The following ARSJ variants were observed in gnomAD, a reference collection of about 807,000 sequenced individuals.
The protein encoded by ARSJ is arylsulfatase J.
A neutral mutation model predicts 35.9 loss-of-function variants in ARSJ; 26 were observed. The ratio of observed to expected loss-of-function variants is 0.72; its 90% CI spans 0.53 to 1.00. ARSJ has a LOEUF of 1.00. Ranked by LOEUF, ARSJ falls within the 50% of genes least tolerant of loss-of-function variation. ARSJ has a pLI of 0.00. For synonymous variants in ARSJ, 294 were observed against 267.6 expected (o/e 1.10, Z -0.96); for missense variants, 667 against 723.6 (o/e 0.92, Z 0.90).
intron 1 of ARSJ, among the ~76,000 whole-genome samples, chr4:113,919,987 A>G (rs185708298): frequency 4.9e-4 from 74 of 151,876 alleles, no homozygotes. Context: ...AGCTGCTTCT[A>G]TAGAAATAAA....
intron 1 of ARSJ, among the ~76,000 whole-genome samples, chr4:113,924,066 AATATATATAAATATATATATATAT>A (rs1460913787): frequency 1.9e-5 from 2 of 107,476 alleles, no homozygotes; most frequent in African/African-American, 9.8e-5. Flanking sequence ...AATATATATA[AATATATATAAATATATATATATAT>A]ATATATATAT....
chr4:113,922,023 C>T (rs902420626), intron 1 of ARSJ, among the ~76,000 whole-genome samples: 2 of 152,128 alleles, frequency 1.3e-5, no homozygotes, highest in African/African-American at 4.8e-5. Context: ...ACCTTGTGAT[C>T]CAACTTCCCC....
chr4:113,924,121 A>ATATATATATATATAT (rs1723902626), intron 1 of ARSJ, among the ~76,000 whole-genome samples: 1 of 140,344 alleles, frequency 7.1e-6, no homozygotes, highest in African/African-American at 2.7e-5. Flanking sequence ...ATATATATAT[A>ATATATATATATATAT]AAGGGGAGTT....
At chr4:113,963,599 G>A (rs762559507) in intron 1 of ARSJ, among the ~76,000 whole-genome samples, 2 of 152,048 alleles carry the variant, frequency 1.3e-5, no homozygotes, top group African/African-American at 2.4e-5. Flanking sequence ...AATTCAAGAT[G>A]AGATTTGGGT....
chr4:113,902,932 T>C lies in ARSJ; in HGVS notation c.1142A>G (p.Tyr381Cys). ...TTCAGCCAGTGAAATGAGAGTGGGG[T>C]ACCAGTCAGTGATGTGCACAAGTTC... is the stretch of plus-strand genomic sequence containing the variant. ...CKELVHITDW[Y>C]PTLISLAEGQ... The change falls in exon 2 of 2, where the codon TAC becomes TGC. Residue 381 changes from tyrosine to cysteine, a missense_variant. Tyr to Cys is a radical substitution (Grantham distance 194). Coordinates refer to ENST00000315366, the MANE Select transcript of ARSJ (RefSeq NM_024590.4). 6.2e-7 allele frequency: 1 copy of C among 1,614,136 alleles called. No homozygotes were observed. Among genetic ancestry groups the C allele is most frequent in the Non-Finnish European group, 8.5e-7 (1 of 1,180,012 alleles).
At chr4:113,915,129 T>G (rs1723213712) in intron 1 of ARSJ, among the ~76,000 whole-genome samples, 1 of 152,122 alleles carries the variant, frequency 6.6e-6, no homozygotes, top group Admixed American at 6.6e-5. Flanking sequence ...AAACAGTATA[T>G]AGGCCCAATT....
chr4:113,918,448 T>C (rs937324716), intron 1 of ARSJ, among the ~76,000 whole-genome samples: 1 of 152,190 alleles, frequency 6.6e-6, no homozygotes, highest in Non-Finnish European at 1.5e-5. Context: ...TTTTAGTTTC[T>C]ATTATGGTAA....
intron 1 of ARSJ, among the ~76,000 whole-genome samples, chr4:113,934,538 G>A (rs1028116975): frequency 2.0e-5 from 3 of 151,734 alleles, no homozygotes; most frequent in African/African-American, 7.2e-5. Flanking sequence ...AAAATATCAT[G>A]TCTTTGAGAT....
Position 113,978,993 on chromosome 4 carries a change from A to T in ARSJ, c.-159T>A. 2.8e-6 allele frequency: 2 copies of T among 708,410 alleles called. No homozygotes were observed. Among genetic ancestry groups the T allele is most frequent in the South Asian group, 4.3e-5 (2 of 46,754 alleles). 43.9% of individuals were successfully genotyped at this position (708,410 alleles called of 1,614,324 possible). A position where few individuals can be genotyped will look rare whatever the true frequency, so the allele number is the denominator to read the frequency against. On this transcript the variant is annotated 5_prime_UTR_variant, in exon 1 of 2. Coordinates refer to ENST00000315366, the MANE Select transcript of ARSJ (RefSeq NM_024590.4). ...ATGTCCGACAACTTTAATCTTCCAG[A>T]AGTGATGGCTTAATGGATGGGACTC...
At chr4:113,924,704 C>T (rs1021925138) in intron 1 of ARSJ, among the ~76,000 whole-genome samples, 13 of 152,200 alleles carry the variant, frequency 8.5e-5, no homozygotes, top group African/African-American at 3.1e-4. Flanking sequence ...GTCAATAAAT[C>T]TTATGGCATA....
intron 1 of ARSJ, among the ~76,000 whole-genome samples, chr4:113,932,517 C>T (rs999408667): frequency 2.6e-5 from 4 of 151,850 alleles, no homozygotes; most frequent in Admixed American, 6.6e-5. Flanking sequence ...TCTTTTCTGA[C>T]CAATATGGAA....
rs573174724 is a variant in ARSJ, at chr4:113,936,898, T to A, written c.399-33223A>T. ...ATATTAATGTGTCTTTAACATCTGTTCATATGTTCACATCCTTGCTTTTAG... is the reference window on the plus strand; with the variant it reads ...ATATTAATGTGTCTTTAACATCTGTACATATGTTCACATCCTTGCTTTTAG... On this transcript the variant is annotated intron_variant, in intron 1 of 1. Coordinates refer to ENST00000315366, the MANE Select transcript of ARSJ (RefSeq NM_024590.4). Among the ~76,000 whole-genome samples, 391 of 152,080 alleles carry A rather than the reference T, an allele frequency of 2.6e-3. 1 individual carries two copies. Among genetic ancestry groups the A allele is most frequent in the Middle Eastern group, 0.014 (4 of 294 alleles).
chr4:113,939,480 T>C (rs1008267283), intron 1 of ARSJ, among the ~76,000 whole-genome samples: 9 of 152,068 alleles, frequency 5.9e-5, no homozygotes, highest in East Asian at 1.9e-4. Flanking sequence ...CCCGAGGAAT[T>C]GCCACACTGA....
At chr4:113,925,816 T>C (rs1276161748) in intron 1 of ARSJ, among the ~76,000 whole-genome samples, 2 of 152,184 alleles carry the variant, frequency 1.3e-5, no homozygotes, top group African/African-American at 2.4e-5. Flanking sequence ...CTTTACATGA[T>C]GCAAGAAGTC....
At chr4:113,913,071 C>T (rs1029489526) in intron 1 of ARSJ, among the ~76,000 whole-genome samples, 1 of 148,058 alleles carries the variant, frequency 6.8e-6, no homozygotes, top group Non-Finnish European at 1.5e-5. Context: ...TACCTTCGGA[C>T]TAGACAAAAG....
chr4:113,952,216 G>A (rs1208112156), intron 1 of ARSJ, among the ~76,000 whole-genome samples: 2 of 151,938 alleles, frequency 1.3e-5, no homozygotes, highest in African/African-American at 2.4e-5. Context: ...ACCACTGCAA[G>A]AAATTTAAGT....
At chr4:113,927,235 G>A (rs4473715) in intron 1 of ARSJ, among the ~76,000 whole-genome samples, 109,987 of 152,002 alleles carry the variant, frequency 0.72, 40,341 homozygotes, top group East Asian at 0.81. Flanking sequence ...AAGGAATATC[G>A]TAACAGACCC....
At chr4:113,919,013 T>C (rs945993673) in intron 1 of ARSJ, among the ~76,000 whole-genome samples, 1 of 152,164 alleles carries the variant, frequency 6.6e-6, no homozygotes, top group South Asian at 2.1e-4. Context: ...CCTGGCATAA[T>C]TCATGTCAGT....
chr4:113,968,296 T>G (rs542739330), intron 1 of ARSJ, among the ~76,000 whole-genome samples: 1 of 152,284 alleles, frequency 6.6e-6, no homozygotes, highest in South Asian at 2.1e-4. Flanking sequence ...CATATAATAT[T>G]TATGTATTTT....
Sources: allele counts gnomAD v4.1 joint callset (sites outside exome capture counted in the v4.1 genomes callset), GRCh38; gene constraint gnomAD v4.1.1; transcripts MANE v1.5; gene names NCBI Gene and HGNC (gene_info 2026-07-23, HGNC 2026-07-21).